The following GMDS variants were observed in gnomAD, a reference collection of about 807,000 sequenced individuals.
The protein encoded by GMDS is GDP-mannose 4,6 dehydratase.
GMDS carries 20 observed loss-of-function variants against 49.9 expected under a neutral mutation model. The observed-to-expected ratio is 0.40, with a 90% CI of 0.28 to 0.58. The LOEUF (loss-of-function observed/expected upper bound fraction) is 0.58. Among genes scored for constraint, GMDS ranks in the 20% least tolerant of loss-of-function variants. The pLI is 0.42. For missense variants in GMDS, 362 were observed against 481.4 expected (o/e 0.75, Z 2.32); for synonymous variants, 177 against 178.6 (o/e 0.99, Z 0.07).
At chr6:2,078,877 T>C (rs1772500279) in intron 4 of GMDS, among the ~76,000 whole-genome samples, 1 of 152,044 alleles carries the variant, frequency 6.6e-6, no homozygotes, top group Non-Finnish European at 1.5e-5. Context: ...TTCCCCACTA[T>C]TATTGTATTG....
rs531624827 is a variant in GMDS, at chr6:2,152,317, A to C, written c.103-27586T>G. 2.4e-3 allele frequency among the ~76,000 whole-genome samples: 363 copies of C among 152,332 alleles called. 1 individual carries two copies. Among genetic ancestry groups the C allele is most frequent in the Non-Finnish European group, 3.2e-3 (217 of 68,010 alleles). ...AAACGTAGAATTTGTTACTGCTACT[A>C]GCCAATGCAATTAAATAAAAGAAAG... On this transcript the variant is annotated intron_variant, in intron 1 of 10. Coordinates refer to ENST00000380815, the MANE Select transcript of GMDS (RefSeq NM_001500.4).
At chr6:1,638,208 C>T (rs1309619217) in intron 9 of GMDS, among the ~76,000 whole-genome samples, 1 of 151,954 alleles carries the variant, frequency 6.6e-6, no homozygotes, top group Non-Finnish European at 1.5e-5. Context: ...TGAGAGACAC[C>T]AGGCAGAAAT....
intron 4 of GMDS, among the ~76,000 whole-genome samples, chr6:2,010,015 G>A (rs960852097): frequency 6.6e-6 from 1 of 152,110 alleles, no homozygotes; most frequent in Admixed American, 6.5e-5. Context: ...ACCCTGAGCA[G>A]GATAAACACA....
rs56095985 is a variant in GMDS, at chr6:1,969,289, A to AAAAAAAAAAAAAAAAAG, written c.346-8324_346-8323insCTTTTTTTTTTTTTTTT. 4.7e-5 allele frequency among the ~76,000 whole-genome samples: 4 copies of AAAAAAAAAAAAAAAAAG among 84,354 alleles called. 1 individual carries two copies. Among genetic ancestry groups the AAAAAAAAAAAAAAAAAG allele is most frequent in the South Asian group, 8.5e-4 (2 of 2,350 alleles). The allele number at this position is 84,354 out of a possible 152,430, so 55.3% of individuals were successfully genotyped here. A position where few individuals can be genotyped will look rare whatever the true frequency, so the allele number is the denominator to read the frequency against. On this transcript the variant is annotated intron_variant, in intron 4 of 10. Coordinates refer to ENST00000380815, the MANE Select transcript of GMDS (RefSeq NM_001500.4). ...AAAAAAAAAAAAAAAAAAAAAAAAA[A>AAAAAAAAAAAAAAAAAG]AGAGAAAGAAAGAAAAAAAGAAATT... is the stretch of plus-strand genomic sequence containing the variant.
At chr6:1,806,879 A>G (rs1309472586) in intron 7 of GMDS, among the ~76,000 whole-genome samples, 2 of 152,182 alleles carry the variant, frequency 1.3e-5, no homozygotes, top group African/African-American at 4.8e-5. Flanking sequence ...GGTTTAGGAT[A>G]AAGAAATCTC....
intron 7 of GMDS, among the ~76,000 whole-genome samples, chr6:1,789,263 A>G (rs367772777): frequency 2.0e-5 from 3 of 152,184 alleles, no homozygotes; most frequent in African/African-American, 7.2e-5. Flanking sequence ...GTTTCATTAC[A>G]TAGTCATGAC....
At chr6:2,205,171 T>G (rs1159787354) in intron 1 of GMDS, among the ~76,000 whole-genome samples, 4 of 152,190 alleles carry the variant, frequency 2.6e-5, no homozygotes, top group African/African-American at 9.7e-5. Context: ...AAATGAAAAT[T>G]TTGAAGATAC....
In GMDS at chr6:1,960,879, T is replaced by C; in HGVS notation, c.433A>G (p.Ile145Val). ...LLDAVKTCGL[I>V]NSVKFYQAST... ...GCTTGGTAGAACTTCACAGAGTTGA[T>C]AAGGCCACAAGTCTTAACTGCATCT... Residue 145 changes from isoleucine to valine, a missense_variant, in exon 5 of 11, where the codon ATC becomes GTC. Physicochemically the swap from Ile to Val is conservative, Grantham distance 29. Coordinates refer to ENST00000380815, the MANE Select transcript of GMDS (RefSeq NM_001500.4). 6.2e-7 allele frequency: 1 copy of C among 1,612,298 alleles called. No individual in the cohort carries two copies. The highest frequency in any genetic ancestry group is 8.5e-7 in the Non-Finnish European group (1 of 1,178,496).
intron 9 of GMDS, among the ~76,000 whole-genome samples, chr6:1,715,470 C>T (rs1766140943): frequency 6.6e-6 from 1 of 152,174 alleles, no homozygotes; most frequent in Non-Finnish European, 1.5e-5. Flanking sequence ...TGTCATTCTT[C>T]CCCCAGGACC....
chr6:1,718,223 T>C (rs1581502246), intron 9 of GMDS, among the ~76,000 whole-genome samples: 1 of 152,256 alleles, frequency 6.6e-6, no homozygotes, highest in East Asian at 1.9e-4. Context: ...ATCTAGGCCC[T>C]AGCCCTGACC....
chr6:2,203,228 T>C (rs1779633276), intron 1 of GMDS, among the ~76,000 whole-genome samples: 1 of 152,188 alleles, frequency 6.6e-6, no homozygotes. Context: ...ATTGATTCAA[T>C]GTAGTTTTTC....
intron 1 of GMDS, among the ~76,000 whole-genome samples, chr6:2,198,747 G>C (rs920125921): frequency 6.6e-6 from 1 of 152,178 alleles, no homozygotes; most frequent in Non-Finnish European, 1.5e-5. Context: ...TTCTCAACAA[G>C]TTCAAGAAAA....
chr6:2,007,855 A>T (rs561314186), intron 4 of GMDS, among the ~76,000 whole-genome samples: 1 of 152,330 alleles, frequency 6.6e-6, no homozygotes. Flanking sequence ...ATGTTCAAAT[A>T]ATAGAAGGAT....
intron 6 of GMDS, among the ~76,000 whole-genome samples, chr6:1,947,133 A>C (rs1028475022): frequency 2.0e-5 from 3 of 152,104 alleles, no homozygotes; most frequent in African/African-American, 7.2e-5. Flanking sequence ...TCCTATAGGG[A>C]AATATTTCCC....
intron 1 of GMDS, 100 bp downstream of exon 1, chr6:2,245,221 G>A (rs1781807600): frequency 2.5e-6 from 2 of 814,434 alleles, no homozygotes; most frequent in African/African-American, 3.5e-5. Flanking sequence ...ACGCCGAGAG[G>A]GCTGTTCCTG....
At chr6:1,662,901 A>C (rs1044548439) in intron 9 of GMDS, among the ~76,000 whole-genome samples, 88 of 152,342 alleles carry the variant, frequency 5.8e-4, no homozygotes, top group African/African-American at 1.9e-3. Flanking sequence ...GCACAGATTC[A>C]GAAGCAAAAC....
chr6:2,063,355 C>G (rs976042075), intron 4 of GMDS, among the ~76,000 whole-genome samples: 3 of 152,142 alleles, frequency 2.0e-5, no homozygotes, highest in Admixed American at 6.5e-5. Flanking sequence ...ACGGTAAGAT[C>G]TGTTGTATTT....
At chr6:1,813,801 T>C (rs935713540) in intron 7 of GMDS, among the ~76,000 whole-genome samples, 2 of 152,204 alleles carry the variant, frequency 1.3e-5, no homozygotes, top group African/African-American at 4.8e-5. Flanking sequence ...ATGAGTCAAC[T>C]AAATACAGAA....
At chr6:1,697,419 C>T (rs1765381676) in intron 9 of GMDS, among the ~76,000 whole-genome samples, 1 of 152,216 alleles carries the variant, frequency 6.6e-6, no homozygotes, top group Non-Finnish European at 1.5e-5. Flanking sequence ...TGCCCCAGGG[C>T]AAACTGGGAC....
Sources: allele counts gnomAD v4.1 joint callset (sites outside exome capture counted in the v4.1 genomes callset), GRCh38; gene constraint gnomAD v4.1.1; transcripts MANE v1.5; gene names NCBI Gene and HGNC (gene_info 2026-07-23, HGNC 2026-07-21).